SCHIP1: variants seen among roughly 807,000 people sequenced by gnomAD.
The protein encoded by SCHIP1 is schwannomin-interacting protein 1.
A neutral mutation model predicts 29.7 loss-of-function variants in SCHIP1; 8 were observed. The ratio of observed to expected loss-of-function variants is 0.27; its 90% confidence interval spans 0.16 to 0.49. The LOEUF is 0.49. Among genes scored for constraint, SCHIP1 ranks in the 20% least tolerant of loss-of-function variants. SCHIP1 has a pLI of 0.99. For synonymous variants in SCHIP1, 76 were observed against 94.9 expected (o/e 0.80, Z 1.16); for missense variants, 193 against 294.6 (o/e 0.66, Z 2.52).
chr3:159,807,769 T>C, the SCHIP1 span, among the ~76,000 whole-genome samples: 1 of 152,222 alleles, frequency 6.6e-6, no homozygotes, highest in Non-Finnish European at 1.5e-5. Flanking sequence ...GACAGGGCTG[T>C]GTCACTGCAG....
At chr3:159,426,273 A>T in the SCHIP1 span, among the ~76,000 whole-genome samples, 3 of 152,136 alleles carry the variant, frequency 2.0e-5, no homozygotes, top group African/African-American at 7.2e-5. Flanking sequence ...TCAACAAAAT[A>T]GATAGACCAG....
the SCHIP1 span, among the ~76,000 whole-genome samples, chr3:159,782,799 A>T: frequency 6.6e-6 from 1 of 152,188 alleles, no homozygotes; most frequent in Non-Finnish European, 1.5e-5. Context: ...TTGTAAATTG[A>T]TTTATATGTA....
chr3:159,870,222 T>C (rs1715111672), intron 2 of SCHIP1, among the ~76,000 whole-genome samples: 1 of 152,028 alleles, frequency 6.6e-6, no homozygotes, highest in South Asian at 2.1e-4. Flanking sequence ...TTTGGTTTCT[T>C]TGTCTTATTG....
chr3:159,519,446 A>T, the SCHIP1 span, among the ~76,000 whole-genome samples: 1 of 152,144 alleles, frequency 6.6e-6, no homozygotes, highest in Non-Finnish European at 1.5e-5. Context: ...TTGATTTTTT[A>T]AAAAAGCCAG....
chr3:159,339,257 A>T, the SCHIP1 span, among the ~76,000 whole-genome samples: 1 of 71,828 alleles, frequency 1.4e-5, no homozygotes, highest in Non-Finnish European at 2.7e-5. Flanking sequence ...ATTAGAATTA[A>T]AAAAAAAAAA....
the SCHIP1 span, among the ~76,000 whole-genome samples, chr3:159,783,661 T>G: frequency 2.0e-5 from 3 of 152,152 alleles, no homozygotes; most frequent in African/African-American, 7.2e-5. Context: ...GAATGGAGCC[T>G]TTTAGGGAAG....
chr3:159,397,605 TG>T, the SCHIP1 span, among the ~76,000 whole-genome samples: 2 of 152,190 alleles, frequency 1.3e-5, no homozygotes, highest in Non-Finnish European at 2.9e-5. Flanking sequence ...CTTCCCCTGC[TG>T]GGGGGTGCCT....
chr3:159,574,847 C>T, the SCHIP1 span, among the ~76,000 whole-genome samples: 2 of 152,210 alleles, frequency 1.3e-5, no homozygotes, highest in South Asian at 4.1e-4. Flanking sequence ...CAGGCTGCTG[C>T]CTTGCAGTTT....
intron 1 of SCHIP1, among the ~76,000 whole-genome samples, chr3:159,848,008 C>T (rs564490346): frequency 2.0e-5 from 3 of 147,636 alleles, no homozygotes; most frequent in Admixed American, 6.7e-5. Flanking sequence ...ATCGAGTTTC[C>T]ATGTATGATA....
chr3:159,318,436 A>G, the SCHIP1 span, among the ~76,000 whole-genome samples: 94 of 152,322 alleles, frequency 6.2e-4, 2 homozygotes, highest in South Asian at 0.019. Context: ...TGTAAAGTGC[A>G]CAACCAGGTG....
At position 159,861,729 on chromosome 3, in the gene SCHIP1, A is replaced by G. The variant is rs1431857608; in HGVS notation, c.31-4434A>G. The stretch of plus-strand genomic sequence containing the variant: ...GCCCTTTGTTTTTGCTAGCAATACT[A>G]ATTTTAGATGTTGTACTTTTGTTTT... On this transcript the variant is annotated intron_variant, in intron 1 of 6. Transcript: ENST00000445224. The surrounding 1 kb of genome is among the most constrained non-coding windows in gnomAD (Gnocchi z 4.1). 6.6e-6 allele frequency among the ~76,000 whole-genome samples: 1 copy of G among 152,156 alleles called. No individual in the cohort carries two copies. Among genetic ancestry groups the G allele is most frequent in the Non-Finnish European group, 1.5e-5 (1 of 68,028 alleles).
Position 159,868,565 on chromosome 3 carries a change from A to C in SCHIP1, c.149+2284A>C, listed in dbSNP as rs138791645. 5.2e-3 allele frequency among the ~76,000 whole-genome samples: 797 copies of C among 152,184 alleles called. 6 individuals carry two copies. Among genetic ancestry groups the C allele is most frequent in the Non-Finnish European group, 8.1e-3 (552 of 67,960 alleles). On this transcript the variant is annotated intron_variant, in intron 2 of 6. Coordinates refer to ENST00000445224, the Ensembl canonical transcript of SCHIP1. ...GTAAATTATGCATTATTCCCACTGA[A>C]CCACGTAGTAAACTATGGTTACTTG...
At chr3:159,888,111 T>C (rs1717136845) in intron 4 of SCHIP1, 2 of 689,672 alleles carry the variant, frequency 2.9e-6, no homozygotes, top group Non-Finnish European at 4.7e-6. Flanking sequence ...TTCACAAAAG[T>C]AAAGTTTGCT....
At chr3:159,659,875 G>A in the SCHIP1 span, among the ~76,000 whole-genome samples, 27,382 of 152,028 alleles carry the variant, frequency 0.18, 6,376 homozygotes, top group African/African-American at 0.54. Context: ...AGGTTAAAGC[G>A]TGAAAAATAG....
chr3:159,440,134 C>T, the SCHIP1 span, among the ~76,000 whole-genome samples: 3 of 152,130 alleles, frequency 2.0e-5, no homozygotes, highest in Non-Finnish European at 4.4e-5. Flanking sequence ...AGCTAGTTCT[C>T]CCTGCACCAT....
the SCHIP1 span, among the ~76,000 whole-genome samples, chr3:159,812,522 A>G: frequency 6.6e-6 from 1 of 152,258 alleles, no homozygotes; most frequent in Admixed American, 6.5e-5. Context: ...CCGAATTATT[A>G]CATGGCGTGC....
the SCHIP1 span, among the ~76,000 whole-genome samples, chr3:159,466,669 G>A: frequency 6.6e-6 from 1 of 152,066 alleles, no homozygotes; most frequent in African/African-American, 2.4e-5. Flanking sequence ...TCTTACAATT[G>A]TATTTCATGG....
chr3:159,489,126 A>G, the SCHIP1 span, among the ~76,000 whole-genome samples: 1 of 152,202 alleles, frequency 6.6e-6, no homozygotes, highest in African/African-American at 2.4e-5. Flanking sequence ...AGTCCTTTTC[A>G]TCTTTTATTT....
intron 1 of SCHIP1, among the ~76,000 whole-genome samples, chr3:159,840,864 T>G (rs1024686796): frequency 6.6e-6 from 1 of 152,230 alleles, no homozygotes; most frequent in East Asian, 1.9e-4. Context: ...ACTGGAGTTA[T>G]GAATTAAACA....
Sources: allele counts gnomAD v4.1 joint callset (sites outside exome capture counted in the v4.1 genomes callset), GRCh38; gene constraint gnomAD v4.1.1; non-coding constraint Gnocchi (gnomAD v3.1); transcripts MANE v1.5; gene names NCBI Gene and HGNC (gene_info 2026-07-23, HGNC 2026-07-21).